Variants in SHLD2 observed in about 807,000 individuals in gnomAD.
SHLD2 encodes shieldin complex subunit 2, also known as RINN1-REV7-interacting novel NHEJ regulator 2.
Under a neutral mutation model 73.2 loss-of-function variants are expected in SHLD2, and 30 were observed. The ratio of observed to expected loss-of-function variants is 0.41; its 90% CI spans 0.31 to 0.56. The LOEUF is 0.56. SHLD2 is among the 20% of genes least tolerant of loss of function. SHLD2 has a pLI of 0.28. For synonymous variants in SHLD2, 285 were observed against 370.1 expected, an observed-to-expected ratio of 0.77 and a Z score of 2.64; for missense variants, 745 against 1,055.9, an observed-to-expected ratio of 0.71 and a Z score of 4.08.
At chr10:87,155,241 A>G (rs1846328695) in intron 3 of SHLD2, among the ~76,000 whole-genome samples, 2 of 152,198 alleles carry the variant, frequency 1.3e-5, no homozygotes. Flanking sequence ...GGCCGAGTAC[A>G]ATCTTTTATA....
chr10:87,178,552 A>C (rs1395297159), intron 7 of SHLD2, among the ~76,000 whole-genome samples: 1 of 151,102 alleles, frequency 6.6e-6, no homozygotes, highest in Non-Finnish European at 1.5e-5. Context: ...CCATCTCCAC[A>C]AAAAAATACA....
chr10:87,187,718 G>C (rs776080645), intron 9 of SHLD2, among the ~76,000 whole-genome samples: 6 of 152,142 alleles, frequency 3.9e-5, no homozygotes, highest in Non-Finnish European at 8.8e-5. Flanking sequence ...TGTTTTTCGT[G>C]TATTTTTTTA....
intron 2 of SHLD2, among the ~76,000 whole-genome samples, chr10:87,133,182 T>A (rs1429232222): frequency 1.3e-5 from 2 of 152,158 alleles, no homozygotes; most frequent in Non-Finnish European, 2.9e-5. Context: ...AAAAAAATAA[T>A]TTTTAATTAA....
At chr10:87,107,094 C>CAAAAAAAAAA (rs1554827009) in intron 2 of SHLD2, among the ~76,000 whole-genome samples, 7 of 110,514 alleles carry the variant, frequency 6.3e-5, no homozygotes, top group Non-Finnish European at 5.6e-5. Flanking sequence ...CAATAATTGG[C>CAAAAAAAAAA]AAAAAAAAAA....
chr10:87,152,138 C>CGGA lies in SHLD2; in HGVS notation c.786_788dup (p.Arg262dup). On this transcript the variant is annotated inframe_insertion, in exon 3 of 10. Coordinates refer to ENST00000298786, the MANE Select transcript of SHLD2 (RefSeq NM_001330112.2). ...TTTAGCTCAAAAGAAAGATAAAAGG[C>CGGA]GGAGTCCTGTAAATAAAGGGAATGT... is the stretch of plus-strand genomic sequence containing the variant. 1.9e-6 allele frequency: 3 copies of CGGA among 1,611,456 alleles called. No individual in the cohort carries two copies. Among genetic ancestry groups the CGGA allele is most frequent in the Non-Finnish European group, 2.5e-6 (3 of 1,179,718 alleles).
intron 2 of SHLD2, among the ~76,000 whole-genome samples, chr10:87,140,433 A>AT (rs1021083411): frequency 1.1e-4 from 17 of 151,198 alleles, no homozygotes; most frequent in African/African-American, 2.4e-4. Context: ...AAAAAAAAAA[A>AT]AAGAAAAAAA....
chr10:87,184,532 T>G (rs1848497423), intron 8 of SHLD2, among the ~76,000 whole-genome samples: 1 of 152,084 alleles, frequency 6.6e-6, no homozygotes, highest in Non-Finnish European at 1.5e-5. Context: ...AGCAGTCTCT[T>G]GGTGGGGCTC....
chr10:87,130,932 T>C (rs2134153078), intron 2 of SHLD2, among the ~76,000 whole-genome samples: 1 of 152,136 alleles, frequency 6.6e-6, no homozygotes, highest in African/African-American at 2.4e-5. Context: ...CCCAGTGTGG[T>C]GGTGCACGCC....
chr10:87,188,762 A>G (rs932183016), intron 9 of SHLD2, among the ~76,000 whole-genome samples: 2 of 151,992 alleles, frequency 1.3e-5, no homozygotes, highest in Non-Finnish European at 2.9e-5. Context: ...CTTATGTTTC[A>G]GTCTTTTTGG....
At chr10:87,107,362 C>T (rs749218972) in intron 2 of SHLD2, among the ~76,000 whole-genome samples, 19 of 151,946 alleles carry the variant, frequency 1.3e-4, no homozygotes, top group Non-Finnish European at 2.1e-4. Flanking sequence ...TGCAGTGAGC[C>T]GAGGTCTTGC....
chr10:87,125,786 G>A (rs1843959742), intron 2 of SHLD2, among the ~76,000 whole-genome samples: 1 of 151,802 alleles, frequency 6.6e-6, no homozygotes, highest in African/African-American at 2.4e-5. Flanking sequence ...AATTAGCTGG[G>A]CGTGGTGGCG....
chr10:87,126,038 A>AAT (rs1564586455), intron 2 of SHLD2, among the ~76,000 whole-genome samples: 1 of 152,116 alleles, frequency 6.6e-6, no homozygotes, highest in Non-Finnish European at 1.5e-5. Context: ...GGAATATCTA[A>AAT]ATATAGGTAG....
Position 87,187,123 on chromosome 10 carries a change from T to A in SHLD2, c.2438T>A (p.Val813Asp). Residue 813 changes from valine to aspartate, a missense_variant, in exon 9 of 10, where the codon GTT (valine) becomes GAT (aspartate). Around this residue, in one of 5 missense-constraint regions of SHLD2, gnomAD observed 418 missense variants for 567.8 expected, o/e 0.74. Coordinates refer to ENST00000298786, the MANE Select transcript of SHLD2 (RefSeq NM_001330112.2). ...ACTGCCATTGATGGAAGACATGATG[T>A]TTGTATCCGTGTAGAATCAAAGCTG... Reference protein sequence around the residue: ...LMTAIDGRHDVCIRVESKLIE... With the variant: ...LMTAIDGRHDDCIRVESKLIE... 2 of 1,613,586 alleles carry A rather than the reference T, an allele frequency of 1.2e-6. No homozygotes were observed. Among genetic ancestry groups the A allele is most frequent in the Non-Finnish European group, 1.7e-6 (2 of 1,179,566 alleles).
At chr10:87,095,273 A>AG (rs1841734219) in intron 1 of SHLD2, 25 bp downstream of exon 1, 1 of 23,526 alleles carries the variant, frequency 4.3e-5, no homozygotes, top group South Asian at 1.2e-3. Flanking sequence ...GGGGTCCCTC[A>AG]GGGGGGTTGG....
At chr10:87,128,607 A>G (rs891037416) in intron 2 of SHLD2, among the ~76,000 whole-genome samples, 3 of 152,128 alleles carry the variant, frequency 2.0e-5, no homozygotes, top group African/African-American at 7.2e-5. Flanking sequence ...CTCACCCTTC[A>G]TTAGTGGTTT....
chr10:87,182,425 A>G (rs1441626260), intron 8 of SHLD2, among the ~76,000 whole-genome samples: 1 of 152,200 alleles, frequency 6.6e-6, no homozygotes, highest in East Asian at 1.9e-4. Flanking sequence ...CATATTTTAC[A>G]TTGGTTGTAA....
At chr10:87,136,487 TG>T (rs1844810212) in intron 2 of SHLD2, among the ~76,000 whole-genome samples, 1 of 151,734 alleles carries the variant, frequency 6.6e-6, no homozygotes, top group Non-Finnish European at 1.5e-5. Flanking sequence ...GGGGTGTTGT[TG>T]CTTGTAGGCC....
chr10:87,097,664 T>A (rs957419698), intron 2 of SHLD2, among the ~76,000 whole-genome samples: 6 of 152,196 alleles, frequency 3.9e-5, no homozygotes, highest in African/African-American at 7.2e-5. Context: ...ACTATTTTTT[T>A]TTTAATTGAG....
chr10:87,096,473 G>T (rs1841899718), intron 1 of SHLD2, among the ~76,000 whole-genome samples: 1 of 152,054 alleles, frequency 6.6e-6, no homozygotes, highest in Admixed American at 6.6e-5. Context: ...AACGAGGCTG[G>T]CACGGTGGCT....
Sources: allele counts gnomAD v4.1 joint callset (sites outside exome capture counted in the v4.1 genomes callset), GRCh38; gene constraint gnomAD v4.1.1; regional missense constraint gnomAD v4.1.1; transcripts MANE v1.5; gene names NCBI Gene and HGNC (gene_info 2026-07-23, HGNC 2026-07-21).